The following CFAP410 variants were observed in gnomAD, a reference collection of about 807,000 sequenced individuals.
CFAP410 encodes the protein cilia- and flagella-associated protein 410.
CFAP410 carries 27 observed loss-of-function variants against 25.7 expected under a neutral mutation model. The ratio of observed to expected loss-of-function variants is 1.05; its 90% CI spans 0.77 to 1.45. The LOEUF (loss-of-function observed/expected upper bound fraction) is 1.45. CFAP410 is among the 40% of genes most tolerant of loss of function. The pLI, the probability that CFAP410 is intolerant of heterozygous loss-of-function variation, is 0.00. For missense variants in CFAP410, 428 were observed against 354.1 expected, an observed-to-expected ratio of 1.21 and a Z score of -1.67; for synonymous variants, 178 against 158.4, an observed-to-expected ratio of 1.12 and a Z score of -0.93.
Position 44,331,943 on chromosome 21 carries a change from C to G in CFAP410, c.445G>C (p.Gly149Arg), listed in dbSNP as rs766367624. 2 of 1,613,328 alleles carry G rather than the reference C, an allele frequency of 1.2e-6. No homozygotes were observed. Among genetic ancestry groups the G allele is most frequent in the Non-Finnish European group, 1.7e-6 (2 of 1,179,662 alleles). ...AGCTTGGGGCCGCCGTGGCCTGTGC[C>G]CTCTCTCTCTGGGGCCGCAGTGATC... ...EEITAAPERE[G>R]TGHGGPKLCC... is the part of the protein sequence containing the mutation. Residue 149 changes from glycine (G) to arginine (R), a missense_variant, in exon 5 of 7, where the codon GGC (glycine) becomes CGC (arginine). By Grantham distance (125) the Gly-to-Arg change is moderately radical. Transcript: ENST00000339818.
intron 3 of CFAP410, 140 bp from the exon 4 acceptor site, chr21:44,333,402 G>C: frequency 1.5e-6 from 1 of 674,446 alleles, no homozygotes; most frequent in Admixed American, 2.6e-5. Flanking sequence ...GATGTCACAA[G>C]TCACGTGCAG....
In CFAP410 at chr21:44,330,223, T is replaced by TC. The variant is rs746473908; in HGVS notation, c.745dup (p.Glu249GlyfsTer61). 61 of 1,580,524 alleles carry TC rather than the reference T, an allele frequency of 3.9e-5. No individual in the cohort carries two copies. The highest frequency in any genetic ancestry group is 2.3e-5 in the Non-Finnish European group (27 of 1,166,516). ...TCACTCGGCGTGCTCCTGCACCTCT[T>TC]CCCCACGCAGGGCCTGCAGCCGGCT... On this transcript the variant is annotated frameshift_variant, in exon 7 of 7. Transcript: ENST00000339818. LOFTEE classifies it high-confidence loss of function.
At chr21:44,330,463 C>G (rs2070573) in intron 6 of CFAP410, 137 bp from the exon 7 acceptor site, 2 of 1,529,764 alleles carry the variant, frequency 1.3e-6, no homozygotes, top group Admixed American at 4.0e-5. Context: ...AGTGACTGAC[C>G]GGCACACTCG....
At chr21:44,335,736 C>T (rs1174659701) in intron 3 of CFAP410, 22 bp downstream of exon 3, 1 of 1,576,300 alleles carries the variant, frequency 6.3e-7, no homozygotes, top group South Asian at 1.2e-5. Flanking sequence ...CCAGGCTGAG[C>T]ATGACAGCAG....
At chr21:44,333,415 G>C in intron 3 of CFAP410, 153 bp from the exon 4 acceptor site, 3 of 647,026 alleles carry the variant, frequency 4.6e-6, no homozygotes, top group Non-Finnish European at 8.1e-6. Context: ...ACGTGCAGCA[G>C]GACCTGGGCC....
At chr21:44,331,180 A>G (rs1007937808) in intron 5 of CFAP410, 4 of 547,538 alleles carry the variant, frequency 7.3e-6, no homozygotes, top group Non-Finnish European at 1.3e-5. Flanking sequence ...CCTTCCACCC[A>G]GGGCTTCAGG....
In CFAP410 at chr21:44,339,201, C is replaced by G. The variant is rs1411170856; in HGVS notation, c.-7G>C. Reference sequence around the variant, plus strand: ...TCTTCCGCGTCAGCTTCATGGCGGCCGCCCAGGCCCGACCGGCGGGCGCCC... The same window carrying G: ...TCTTCCGCGTCAGCTTCATGGCGGCGGCCCAGGCCCGACCGGCGGGCGCCC... On this transcript the variant is annotated 5_prime_UTR_variant, in exon 1 of 7. Coordinates refer to ENST00000339818, the MANE Select transcript of CFAP410 (RefSeq NM_004928.3). The G allele has an allele frequency of 1.4e-6, 2 of 1,444,692 alleles. No homozygotes were observed. Among genetic ancestry groups the G allele is most frequent in the Non-Finnish European group, 1.8e-6 (2 of 1,094,280 alleles). 89.5% of individuals were successfully genotyped at this position (1,444,692 alleles called of 1,614,324 possible).
intron 3 of CFAP410, chr21:44,333,796 G>A (rs958490622): frequency 9.0e-6 from 3 of 333,000 alleles, no homozygotes; most frequent in Non-Finnish European, 5.9e-6. Flanking sequence ...GCCTGGAGCG[G>A]GGACCTGCAG....
At chr21:44,333,470 A>G (rs1005612013) in intron 3 of CFAP410, 1 of 594,994 alleles carries the variant, frequency 1.7e-6, no homozygotes, top group Non-Finnish European at 3.0e-6. Context: ...TCAAAGGCGG[A>G]CTGGGGTGGA....
intron 3 of CFAP410, 160 bp downstream of exon 3, chr21:44,335,598 C>T (rs949256693): frequency 3.1e-6 from 2 of 638,220 alleles, no homozygotes; most frequent in Non-Finnish European, 5.6e-6. Flanking sequence ...CAGGGTAGGC[C>T]CAGCTCTCGC....
chr21:44,339,209 C>G lies in CFAP410; in HGVS notation c.-15G>C. On this transcript the variant is annotated 5_prime_UTR_variant, in exon 1 of 7. Transcript: ENST00000339818. ...GTCAGCTTCATGGCGGCCGCCCAGG[C>G]CCGACCGGCGGGCGCCCCCGGCCTC... 7.0e-7 allele frequency: 1 copy of G among 1,434,356 alleles called. No individual in the cohort carries two copies. Among genetic ancestry groups the G allele is most frequent in the African/African-American group, 1.5e-5 (1 of 66,800 alleles). The allele number at this position is 1,434,356 out of a possible 1,614,324, so 88.9% of individuals were successfully genotyped here.
At chr21:44,336,170 C>T (rs930739700) in intron 2 of CFAP410, among the ~76,000 whole-genome samples, 9 of 152,046 alleles carry the variant, frequency 5.9e-5, no homozygotes, top group East Asian at 1.9e-4. Context: ...TGAATGCCCA[C>T]GAGTATGCCA....
intron 2 of CFAP410, 47 bp downstream of exon 2, chr21:44,337,602 T>C (rs1164992727): frequency 6.3e-7 from 1 of 1,578,984 alleles, no homozygotes; most frequent in South Asian, 1.1e-5. Context: ...GTTGAGGCTA[T>C]TTGGAGATGA....
At chr21:44,334,235 T>A (rs1602082771) in intron 3 of CFAP410, 1 of 456,214 alleles carries the variant, frequency 2.2e-6, no homozygotes. Context: ...TGGGGTCCTG[T>A]CCCTCCCGAG....
rs2047591820 is a variant in CFAP410 at position 44,329,183 on chromosome 21, C to T, written c.*1015G>A. 1 of 152,392 alleles carries T rather than the reference C, an allele frequency of 6.6e-6. No individual in the cohort carries two copies. The highest frequency in any genetic ancestry group is 1.5e-5 in the Non-Finnish European group (1 of 68,170). The allele number at this position is 152,392 out of a possible 1,614,324, so 9.4% of individuals were successfully genotyped here. On this transcript the variant is annotated 3_prime_UTR_variant, in exon 7 of 7. Coordinates refer to ENST00000339818, the MANE Select transcript of CFAP410 (RefSeq NM_004928.3). Reference sequence around the variant, plus strand: ...GTGGCTGCCCCAGTGCTGCAGCTGGCTCTGGTGACGGTGGCACGGCATGGC... The same window carrying T: ...GTGGCTGCCCCAGTGCTGCAGCTGGTTCTGGTGACGGTGGCACGGCATGGC...
intron 5 of CFAP410, chr21:44,331,409 C>T (rs752635166): frequency 3.8e-5 from 9 of 238,822 alleles, no homozygotes; most frequent in Non-Finnish European, 5.7e-5. Context: ...GAGGCGCCGG[C>T]GTCTCACTGC....
intron 2 of CFAP410, among the ~76,000 whole-genome samples, chr21:44,336,232 G>A (rs2047754241): frequency 6.6e-6 from 1 of 152,192 alleles, no homozygotes; most frequent in Non-Finnish European, 1.5e-5. Context: ...GACTGAAGGA[G>A]AAATGTGAGG....
At chr21:44,334,143 G>A in intron 3 of CFAP410, 1 of 456,324 alleles carries the variant, frequency 2.2e-6, no homozygotes, top group Non-Finnish European at 4.4e-6. Flanking sequence ...TACCGACCGC[G>A]TCCGCGGCCT....
At chr21:44,330,518 A>G (rs2146055223) in intron 6 of CFAP410, 192 bp from the exon 7 acceptor site, 3 of 1,547,382 alleles carry the variant, frequency 1.9e-6, no homozygotes, top group Non-Finnish European at 2.6e-6. Context: ...CGTGTGTGGC[A>G]CCTCTTCCAC....
Sources: allele counts gnomAD v4.1 joint callset (sites outside exome capture counted in the v4.1 genomes callset), GRCh38; gene constraint gnomAD v4.1.1; transcripts MANE v1.5; gene names NCBI Gene and HGNC (gene_info 2026-07-23, HGNC 2026-07-21).